The following KLF7 variants were observed in gnomAD, a reference collection of about 807,000 sequenced individuals.
KLF7 encodes KLF transcription factor 7.
Under a neutral mutation model 27.3 loss-of-function variants are expected in KLF7, and 2 were observed. The ratio of observed to expected loss-of-function variants is 0.07; its 90% CI spans 0.03 to 0.23. The LOEUF (loss-of-function observed/expected upper bound fraction) is 0.23. KLF7 is among the 10% of genes least tolerant of loss of function. The pLI is 1.00. For missense variants in KLF7, 221 were observed against 394.1 expected (o/e 0.56, Z 3.72); for synonymous variants, 165 against 162.4 (o/e 1.02, Z -0.12).
intron 1 of KLF7, among the ~76,000 whole-genome samples, chr2:207,161,698 A>G (rs942446155): frequency 6.6e-6 from 1 of 152,214 alleles, no homozygotes; most frequent in African/African-American, 2.4e-5. Context: ...GATTCCTTAT[A>G]CCAAAGGCCC....
At chr2:207,102,125 TTCACACACACACAC>T (rs2076778857) in intron 2 of KLF7, among the ~76,000 whole-genome samples, 2 of 121,310 alleles carry the variant, frequency 1.6e-5, no homozygotes, top group Non-Finnish European at 3.7e-5. Context: ...TACATTCACA[TTCACACACACACAC>T]ACACACACAC....
chr2:207,165,783 G>A lies in KLF7; in HGVS notation c.-215C>T. ...GAGGAGCGAGTGAGTGGGGTGGATG[G>A]AGAGAGGCATCCAGCGTGTACAGTG... is the stretch of plus-strand genomic sequence containing the variant. On this transcript the variant is annotated 5_prime_UTR_variant, in exon 1 of 4. Transcript: ENST00000309446. The A allele has an allele frequency of 1.4e-6, 2 of 1,429,700 alleles. No homozygotes were observed. The highest frequency in any genetic ancestry group is 9.1e-7 in the Non-Finnish European group (1 of 1,097,668). The allele number at this position is 1,429,700 out of a possible 1,614,324, so 88.6% of individuals were successfully genotyped here. A position where few individuals can be genotyped will look rare whatever the true frequency, so the allele number is the denominator to read the frequency against.
At position 207,081,001 on chromosome 2, in the gene KLF7, T is replaced by C; in HGVS notation, c.*212A>G. On this transcript the variant is annotated 3_prime_UTR_variant, in exon 4 of 4. Transcript: ENST00000309446. ...AAGGCATAAAGAATAGACGTATATATTTTAAATATAGTTGAGTGCATGACA... is the reference window on the plus strand; with the variant it reads ...AAGGCATAAAGAATAGACGTATATACTTTAAATATAGTTGAGTGCATGACA... 1.8e-6 allele frequency: 1 copy of C among 546,714 alleles called. No homozygotes were observed. Among genetic ancestry groups the C allele is most frequent in the Non-Finnish European group, 3.3e-6 (1 of 307,406 alleles). The allele number at this position is 546,714 out of a possible 1,614,324, so 33.9% of individuals were successfully genotyped here. A position where few individuals can be genotyped will look rare whatever the true frequency, so the allele number is the denominator to read the frequency against.
chr2:207,102,125 T>TACACACACAC (rs1553522202), intron 2 of KLF7, among the ~76,000 whole-genome samples: 170 of 121,306 alleles, frequency 1.4e-3, no homozygotes, highest in South Asian at 5.5e-3. Context: ...TACATTCACA[T>TACACACACAC]TCACACACAC....
intron 2 of KLF7, among the ~76,000 whole-genome samples, chr2:207,115,351 G>A (rs930375544): frequency 6.6e-5 from 10 of 152,168 alleles, no homozygotes; most frequent in African/African-American, 2.4e-4. Flanking sequence ...ACATGTTGAA[G>A]GAGAAGGTAG....
rs572103955 is a variant in KLF7, at chr2:207,163,780, T to C, written c.102+1687A>G. Reference sequence around the variant, plus strand: ...TAACCTGTCTAGACAGTTGTTAATATGCAACCGATTCCATACCAGTGGGCT... The same window carrying C: ...TAACCTGTCTAGACAGTTGTTAATACGCAACCGATTCCATACCAGTGGGCT... On this transcript the variant is annotated intron_variant, in intron 1 of 3. Transcript: ENST00000309446. 1.6e-4 allele frequency among the ~76,000 whole-genome samples: 24 copies of C among 152,358 alleles called. No individual in the cohort carries two copies. In the East Asian group the frequency reaches 4.6e-3, roughly 29 times the overall value.
chr2:207,118,788 T>C (rs530316166), intron 2 of KLF7, among the ~76,000 whole-genome samples: 1 of 152,250 alleles, frequency 6.6e-6, no homozygotes, highest in Non-Finnish European at 1.5e-5. Context: ...TATGTATTTG[T>C]TGAATAAGTA....
intron 1 of KLF7, among the ~76,000 whole-genome samples, chr2:207,161,642 G>T (rs2078549117): frequency 6.6e-6 from 1 of 152,202 alleles, no homozygotes; most frequent in South Asian, 2.1e-4. Flanking sequence ...CTGGTACCAT[G>T]AGGCTGTTCT....
At chr2:207,134,040 A>G in intron 1 of KLF7, 1 of 1,528,304 alleles carries the variant, frequency 6.5e-7, no homozygotes, top group Non-Finnish European at 8.8e-7. Context: ...CACCCTCCTC[A>G]AACTCCCTGG....
At chr2:207,120,189 A>G (rs61256277) in intron 2 of KLF7, among the ~76,000 whole-genome samples, 1 of 152,166 alleles carries the variant, frequency 6.6e-6, no homozygotes, top group South Asian at 2.1e-4. Flanking sequence ...AATAAATAAA[A>G]AATCACCTCA....
In KLF7 at chr2:207,078,463, A is replaced by AT. The variant is rs1421010444; in HGVS notation, c.*2749dup. ...AAACAAGCAATGATTACTCTTTTGC[A>AT]TTTTTTAAACTTTCTTTTTAATAGA... On this transcript the variant is annotated 3_prime_UTR_variant, in exon 4 of 4. Coordinates refer to ENST00000309446, the MANE Select transcript of KLF7 (RefSeq NM_003709.4). The AT allele has an allele frequency of 6.6e-6, 1 of 152,268 alleles. No homozygotes were observed. The highest frequency in any genetic ancestry group is 2.4e-5 in the African/African-American group (1 of 41,478). 9.4% of individuals were successfully genotyped at this position (152,268 alleles called of 1,614,324 possible). A position where few individuals can be genotyped will look rare whatever the true frequency, so the allele number is the denominator to read the frequency against.
intron 2 of KLF7, among the ~76,000 whole-genome samples, chr2:207,116,143 G>A (rs928368080): frequency 2.6e-5 from 4 of 152,304 alleles, no homozygotes; most frequent in East Asian, 3.9e-4. Context: ...TACCGGAGTC[G>A]TGCAGCAGAG....
intron 1 of KLF7, among the ~76,000 whole-genome samples, chr2:207,151,129 A>C (rs2106105727): frequency 6.6e-6 from 1 of 152,104 alleles, no homozygotes; most frequent in South Asian, 2.1e-4. Flanking sequence ...TCCTTGAGTT[A>C]AAAGGACTGA....
intron 2 of KLF7, among the ~76,000 whole-genome samples, chr2:207,115,848 C>T (rs931889958): frequency 2.0e-5 from 3 of 152,142 alleles, no homozygotes; most frequent in African/African-American, 7.2e-5. Flanking sequence ...GGTGGATGGA[C>T]GTATAATCCA....
chr2:207,157,014 G>GC (rs1173205590), intron 1 of KLF7, among the ~76,000 whole-genome samples: 9 of 152,096 alleles, frequency 5.9e-5, no homozygotes, highest in Admixed American at 5.9e-4. Context: ...CTGGGGTGCA[G>GC]CCACGATTGA....
upstream of KLF7, among the ~76,000 whole-genome samples, chr2:207,168,598 G>A (rs570142725): frequency 6.6e-6 from 1 of 152,254 alleles, no homozygotes; most frequent in East Asian, 1.9e-4. Context: ...GGCCGGAGGA[G>A]GAGGCTTCCA....
At chr2:207,153,996 T>C (rs112450845) in intron 1 of KLF7, among the ~76,000 whole-genome samples, 7 of 152,302 alleles carry the variant, frequency 4.6e-5, no homozygotes, top group African/African-American at 1.7e-4. Context: ...AGCATATGCA[T>C]GATTCTTCCC....
chr2:207,132,447 A>C (rs2077661353), intron 1 of KLF7, among the ~76,000 whole-genome samples: 1 of 152,176 alleles, frequency 6.6e-6, no homozygotes, highest in Non-Finnish European at 1.5e-5. Context: ...TTCTATCAAA[A>C]CCTCTTCCAT....
chr2:207,087,778 T>C (rs543220093), intron 3 of KLF7, among the ~76,000 whole-genome samples: 3 of 152,350 alleles, frequency 2.0e-5, no homozygotes, highest in Middle Eastern at 3.4e-3. Flanking sequence ...TATTGGTTGA[T>C]AATGCCAGGG....
Sources: gnomAD v4.1 joint callset for allele counts (sites outside exome capture counted in the v4.1 genomes callset) on GRCh38, gnomAD v4.1.1 for gene constraint, MANE v1.5 for transcripts, NCBI Gene and HGNC (gene_info 2026-07-23, HGNC 2026-07-21) for gene names.